The following RMC1 variants were observed in gnomAD, a reference collection of about 807,000 sequenced individuals.
RMC1 encodes the protein regulator of MON1-CCZ1, also known as regulator of MON1-CCZ1 complex.
A neutral mutation model predicts 95.5 loss-of-function variants in RMC1; 44 were observed. That is an observed-to-expected ratio of 0.46 (90% CI 0.36 to 0.59). RMC1 has a LOEUF of 0.59. Ranked by LOEUF, RMC1 falls within the 20% of genes least tolerant of loss-of-function variation. The probability of loss-of-function intolerance (pLI) is 0.00; values close to 1 mark genes in which losing one functional copy is unlikely to be tolerated. For missense variants in RMC1, 705 were observed against 819.6 expected, an observed-to-expected ratio of 0.86 and a Z score of 1.71; for synonymous variants, 320 against 303.6, an observed-to-expected ratio of 1.05 and a Z score of -0.56.
chr18:23,516,845 C>A (rs549598937), intron 7 of RMC1, among the ~76,000 whole-genome samples: 74 of 151,934 alleles, frequency 4.9e-4, no homozygotes, highest in African/African-American at 1.8e-3. Flanking sequence ...TCTGCTTCAG[C>A]CTCCCAAGTA....
intron 14 of RMC1, 152 bp from the exon 15 acceptor site, chr18:23,529,027 G>A (rs1302648409): frequency 1.7e-5 from 22 of 1,266,144 alleles, no homozygotes; most frequent in Non-Finnish European, 1.6e-5. Context: ...TTACAGGCAT[G>A]CGCACAGGAA....
chr18:23,523,290 A>G (rs2058192548), intron 10 of RMC1, among the ~76,000 whole-genome samples: 2 of 152,110 alleles, frequency 1.3e-5, no homozygotes, highest in Admixed American at 6.6e-5. Context: ...GGCTGCCTGC[A>G]TGGCTCATGA....
At chr18:23,506,262 T>G in intron 2 of RMC1, 1 of 151,670 alleles carries the variant, frequency 6.6e-6, no homozygotes, top group African/African-American at 2.4e-5. Context: ...AATATGTGAG[T>G]TTTGACATGT....
chr18:23,513,705 C>CTGTTT (rs527679820), intron 5 of RMC1, among the ~76,000 whole-genome samples: 40 of 152,284 alleles, frequency 2.6e-4, no homozygotes, highest in Admixed American at 2.0e-4. Flanking sequence ...CCAACACTTG[C>CTGTTT]TGTTTTGTTT....
rs117714375 is a variant in RMC1 at position 23,525,915 on chromosome 18, T to C, written c.1061-722T>C. On this transcript the variant is annotated intron_variant, in intron 12 of 19. Transcript: ENST00000269221. ...TGATGCTGTAGGCATCCACTGTATG[T>C]AATGCATTGTTGTGCCTTGTCTGTA... is the stretch of plus-strand genomic sequence containing the variant. 4.9e-3 allele frequency among the ~76,000 whole-genome samples: 741 copies of C among 152,380 alleles called. 1 individual carries two copies. The highest frequency in any genetic ancestry group is 7.7e-3 in the Non-Finnish European group (526 of 68,030).
At position 23,515,926 on chromosome 18, in the gene RMC1, G is replaced by T; in HGVS notation, c.479G>T (p.Cys160Phe). Residue 160 changes from cysteine to phenylalanine, a missense_variant, in exon 6 of 20, where the codon TGC becomes TTC. Cys to Phe is a radical substitution (Grantham distance 205). Transcript: ENST00000269221. ...CTCAATGTGAATTGGTACATGTACT[G>T]CCCCGAGAGCGCCGTGATCTTGCTG... ...HNLNVNWYMY[C>F]PESAVILLST... The T allele has an allele frequency of 1.5e-5, 25 of 1,614,120 alleles. No individual in the cohort carries two copies. The highest frequency in any genetic ancestry group is 2.1e-5 in the Non-Finnish European group (25 of 1,180,022).
chr18:23,522,435 C>T (rs1285005952), intron 10 of RMC1: 1 of 152,168 alleles, frequency 6.6e-6, no homozygotes, highest in Admixed American at 6.5e-5. Context: ...GAATGCAGCC[C>T]AACACAAATT....
At chr18:23,506,759 A>T in intron 2 of RMC1, 2 of 439,662 alleles carry the variant, frequency 4.5e-6, no homozygotes, top group Admixed American at 8.2e-5. Context: ...ATCACTTGTT[A>T]CCCATAATAC....
Position 23,519,070 on chromosome 18 carries a change from G to A in RMC1, c.745G>A (p.Glu249Lys), listed in dbSNP as rs1359752563. The change falls in exon 9 of 20, where the codon GAA becomes AAA. Residue 249 changes from glutamate to lysine, a missense_variant and splice_region_variant. Transcript: ENST00000269221. ...TGTTTTTTGCTTTCTATCCTACAGA[G>A]AAGGTGCCTGTAAAAAGATGCACAT... ...AEVVLYHLPREGACKKMHILK... is the reference protein window; with the variant it reads ...AEVVLYHLPRKGACKKMHILK... 1 of 1,614,074 alleles carries A rather than the reference G, an allele frequency of 6.2e-7. No individual in the cohort carries two copies. Among genetic ancestry groups the A allele is most frequent in the Non-Finnish European group, 8.5e-7 (1 of 1,179,940 alleles).
At chr18:23,513,028 A>G (rs922147658) in intron 5 of RMC1, among the ~76,000 whole-genome samples, 33 of 152,040 alleles carry the variant, frequency 2.2e-4, no homozygotes, top group Admixed American at 1.3e-3. Context: ...ATCTCAGCTC[A>G]CTGCAACCTC....
intron 14 of RMC1, 25 bp downstream of exon 14, chr18:23,527,926 G>A (rs1385969688): frequency 2.6e-6 from 4 of 1,550,278 alleles, no homozygotes; most frequent in South Asian, 1.1e-5. Context: ...GTATGACAAA[G>A]GGTCCTCCTC....
chr18:23,524,817 G>T (rs921863838), intron 12 of RMC1, among the ~76,000 whole-genome samples: 1 of 151,758 alleles, frequency 6.6e-6, no homozygotes, highest in Admixed American at 6.6e-5. Context: ...CCTTCCCACC[G>T]GTGTCCGTGC....
intron 13 of RMC1, among the ~76,000 whole-genome samples, chr18:23,527,392 T>C (rs540176325): frequency 6.6e-6 from 1 of 151,878 alleles, no homozygotes; most frequent in South Asian, 2.1e-4. Context: ...AGCAAGACCC[T>C]GTATCCAAAA....
Position 23,518,798 on chromosome 18 carries a change from A to C in RMC1, c.654-92A>C, listed in dbSNP as rs556569167. The C allele has an allele frequency of 1.3e-5, 15 of 1,130,160 alleles. No individual in the cohort carries two copies. The East Asian group carries it at 3.6e-4, about 27-fold the overall frequency. The allele number at this position is 1,130,160 out of a possible 1,614,324, so 70.0% of individuals were successfully genotyped here. A position where few individuals can be genotyped will look rare whatever the true frequency, so the allele number is the denominator to read the frequency against. ...GGCAGCAAAATACTCCATTAAGTGA[A>C]TATCTTATAATTTACTTAACCGTGA... On this transcript the variant is annotated intron_variant, in intron 7 of 19. Transcript: ENST00000269221.
In RMC1 at chr18:23,515,898, A is replaced by C; in HGVS notation, c.451A>C (p.Asn151His). 2 of 1,614,094 alleles carry C rather than the reference A, an allele frequency of 1.2e-6. No homozygotes were observed. Among genetic ancestry groups the C allele is most frequent in the East Asian group, 4.5e-5 (2 of 44,866 alleles). ...GAGTCTGAAACTCTTGAAGAGCCAC[A>C]ATCTCAATGTGAATTGGTACATGTA... ...KRSLKLLKSH[N>H]LNVNWYMYCP... Residue 151 changes from asparagine to histidine, a missense_variant, in exon 6 of 20, where the codon AAT (asparagine) becomes CAT (histidine). Physicochemically the swap from Asn to His is moderately conservative, Grantham distance 68 (BLOSUM62 1). Coordinates refer to ENST00000269221, the MANE Select transcript of RMC1 (RefSeq NM_013326.5).
At chr18:23,512,011 A>G (rs974579609) in intron 5 of RMC1, among the ~76,000 whole-genome samples, 1 of 149,866 alleles carries the variant, frequency 6.7e-6, no homozygotes, top group Non-Finnish European at 1.5e-5. Flanking sequence ...TGAGAGGTAG[A>G]AAGACTTTTT....
chr18:23,515,673 C>T lies in RMC1; in HGVS notation c.409-183C>T, dbSNP rs540281484. On this transcript the variant is annotated intron_variant, in intron 5 of 19. Transcript: ENST00000269221. ...TCAGCCTTCTGAGTAGCTGGAATTA[C>T]AGGCATGTGCCACCACGCCTGGCTA... Among the ~76,000 whole-genome samples the T allele has an allele frequency of 1.3e-3, 204 of 152,314 alleles. 1 individual carries two copies. The highest frequency in any genetic ancestry group is 4.5e-3 in the African/African-American group (188 of 41,572).
At chr18:23,512,924 A>C (rs894155536) in intron 5 of RMC1, among the ~76,000 whole-genome samples, 1 of 152,028 alleles carries the variant, frequency 6.6e-6, no homozygotes, top group Non-Finnish European at 1.5e-5. Flanking sequence ...CAGCCCCAGC[A>C]ATCTCTATTT....
At chr18:23,513,816 T>C (rs936531521) in intron 5 of RMC1, among the ~76,000 whole-genome samples, 2 of 152,268 alleles carry the variant, frequency 1.3e-5, no homozygotes, top group Admixed American at 1.3e-4. Flanking sequence ...TTGGCCACTT[T>C]GTGTATCATC....
Sources: gnomAD v4.1 joint callset for allele counts (sites outside exome capture counted in the v4.1 genomes callset) on GRCh38, gnomAD v4.1.1 for gene constraint, MANE v1.5 for transcripts, NCBI Gene and HGNC (gene_info 2026-07-23, HGNC 2026-07-21) for gene names.